Variants in ARRDC5 observed in about 807,000 individuals in gnomAD.
ARRDC5 encodes the protein arrestin domain containing 5.
A neutral mutation model predicts 13.3 loss-of-function variants in ARRDC5; 12 were observed. The ratio of observed to expected loss-of-function variants is 0.90; its 90% CI spans 0.58 to 1.46. The LOEUF (loss-of-function observed/expected upper bound fraction) is 1.46, where lower values mean the gene tolerates loss of function less well. Among genes scored for constraint, ARRDC5 ranks in the 40% most tolerant of loss-of-function variants. The pLI is 0.00. For missense variants in ARRDC5, 406 were observed against 418.7 expected, an observed-to-expected ratio of 0.97 and a Z score of 0.26; for synonymous variants, 181 against 173.4, an observed-to-expected ratio of 1.04 and a Z score of -0.34.
intron 2 of ARRDC5, among the ~76,000 whole-genome samples, 155 bp from the exon 3 acceptor site, chr19:4,891,728 G>A (rs550912665): frequency 1.5e-4 from 23 of 152,250 alleles, no homozygotes; most frequent in African/African-American, 2.9e-4. Flanking sequence ...AGGCCGAGGC[G>A]GGAGGATCAC....
At chr19:4,895,422 C>CAAA (rs1039157516) in intron 2 of ARRDC5, among the ~76,000 whole-genome samples, 200 of 70,568 alleles carry the variant, frequency 2.8e-3, no homozygotes, top group Non-Finnish European at 4.3e-3. Flanking sequence ...GACTCCGTCT[C>CAAA]AAAAAAAAAA....
Position 4,902,648 on chromosome 19 carries a change from A to G in ARRDC5, c.178T>C (p.Cys60Arg), listed in dbSNP as rs776175566. The change falls in exon 1 of 3, where the codon TGT (cysteine) becomes CGT (arginine). Residue 60 changes from cysteine to arginine, a missense_variant. Physicochemically the swap from Cys to Arg is radical, Grantham distance 180 (BLOSUM62 -3). Coordinates refer to ENST00000650722, the MANE Select transcript of ARRDC5 (RefSeq NM_001080523.3). ...VEWSEEAGAS[C>R]DYSRNVICNN... ...CAAATAACATTTCTGCTATAATCACAGGATGCCCCGGCTTCTTCACTCCAT... is the reference window on the plus strand; with the variant it reads ...CAAATAACATTTCTGCTATAATCACGGGATGCCCCGGCTTCTTCACTCCAT... The G allele has an allele frequency of 6.2e-7, 1 of 1,613,998 alleles. No homozygotes were observed. The highest frequency in any genetic ancestry group is 8.5e-7 in the Non-Finnish European group (1 of 1,179,890).
In ARRDC5 at chr19:4,891,421, G is replaced by A; in HGVS notation, c.612C>T (p.Cys204=). Residue 204 remains cysteine, a synonymous_variant, in exon 3 of 3, where the codon TGC becomes TGT. Coordinates refer to ENST00000650722, the MANE Select transcript of ARRDC5 (RefSeq NM_001080523.3). ...ACAGGGCGAATACGACCGTCTTGAT[G>A]CATTTGCTGGTCTGGTTGTTGATCT... ...TTEINNQTSK[C]IKTVVFALYA... 6.2e-7 allele frequency: 1 copy of A among 1,613,356 alleles called. No homozygotes were observed. The highest frequency in any genetic ancestry group is 8.5e-7 in the Non-Finnish European group (1 of 1,179,896).
chr19:4,893,811 G>A, intron 2 of ARRDC5, among the ~76,000 whole-genome samples: 1 of 147,848 alleles, frequency 6.8e-6, no homozygotes, highest in Non-Finnish European at 1.5e-5. Context: ...GGGAGGCCGA[G>A]GTGGGTGGAT....
chr19:4,909,172 G>A, the ARRDC5 span: 1 of 376,068 alleles, frequency 2.7e-6, no homozygotes, highest in Non-Finnish European at 4.8e-6. Flanking sequence ...GCGTGCGAGT[G>A]GGGGGCTGCG....
chr19:4,905,086 T>C (rs2032037370), upstream of ARRDC5, among the ~76,000 whole-genome samples: 1 of 149,494 alleles, frequency 6.7e-6, no homozygotes. Flanking sequence ...GGAATATGGC[T>C]CAACACAAAT....
chr19:4,906,899 A>G (rs531574200), upstream of ARRDC5, among the ~76,000 whole-genome samples: 18 of 152,366 alleles, frequency 1.2e-4, no homozygotes, highest in African/African-American at 4.3e-4. Flanking sequence ...GGAAGAGCTC[A>G]AGCCGTCTCA....
chr19:4,895,464 A>G (rs2031680930), intron 2 of ARRDC5, among the ~76,000 whole-genome samples: 2 of 150,862 alleles, frequency 1.3e-5, no homozygotes, highest in Non-Finnish European at 3.0e-5. Flanking sequence ...AAGAAAAAGG[A>G]AAAAAAATGC....
chr19:4,902,797 A>G lies in ARRDC5; in HGVS notation c.29T>C (p.Val10Ala), dbSNP rs1477939912. ...CAGGTAGATTCTATCCTCGGGCAGCACTAATTCGATCGACTTCACCACAGA... is the reference window on the plus strand; with the variant it reads ...CAGGTAGATTCTATCCTCGGGCAGCGCTAATTCGATCGACTTCACCACAGA... MSVVKSIEL[V>A]LPEDRIYLAG... Residue 10 changes from valine to alanine, a missense_variant, in exon 1 of 3, where the codon GTG (valine) becomes GCG (alanine). Transcript: ENST00000650722. 2.5e-6 allele frequency: 4 copies of G among 1,613,956 alleles called. No homozygotes were observed. In the South Asian group the frequency reaches 4.4e-5, roughly 18 times the overall value.
At chr19:4,908,703 A>G in the ARRDC5 span, among the ~76,000 whole-genome samples, 81 of 152,224 alleles carry the variant, frequency 5.3e-4, no homozygotes, top group Admixed American at 9.2e-4. Flanking sequence ...TCACTCTCCT[A>G]TAAGGAATCA....
the ARRDC5 span, among the ~76,000 whole-genome samples, chr19:4,915,593 G>C: frequency 6.6e-6 from 1 of 151,984 alleles, no homozygotes; most frequent in Admixed American, 6.6e-5. Flanking sequence ...CATGTCTGTA[G>C]TTCCACTTAG....
chr19:4,915,695 G>A, the ARRDC5 span, among the ~76,000 whole-genome samples: 36 of 152,194 alleles, frequency 2.4e-4, no homozygotes, highest in East Asian at 5.4e-3. Flanking sequence ...GGGCGACAGA[G>A]CAAGACTCCG....
chr19:4,897,119 G>A (rs755606388), intron 1 of ARRDC5, among the ~76,000 whole-genome samples: 4 of 152,040 alleles, frequency 2.6e-5, no homozygotes, highest in Non-Finnish European at 5.9e-5. Context: ...ACCACACCTG[G>A]CTAATTTTTA....
the ARRDC5 span, chr19:4,910,997 G>A: frequency 6.2e-7 from 1 of 1,611,710 alleles, no homozygotes; most frequent in Non-Finnish European, 8.5e-7. Flanking sequence ...GCTGTTCCAC[G>A]TGGAGCCAGG....
At chr19:4,910,853 G>T in the ARRDC5 span, 1,070 of 1,583,434 alleles carry the variant, frequency 6.8e-4, no homozygotes, top group Non-Finnish European at 7.6e-4. Flanking sequence ...ACTGATGGGG[G>T]TTTTTGCTGT....
intron 1 of ARRDC5, among the ~76,000 whole-genome samples, chr19:4,897,647 G>A (rs2031779617): frequency 6.6e-6 from 1 of 152,182 alleles, no homozygotes; most frequent in Non-Finnish European, 1.5e-5. Context: ...CTCCAGAAGA[G>A]CTGGGACTAC....
the ARRDC5 span, chr19:4,910,568 G>T: frequency 3.3e-6 from 1 of 298,550 alleles, no homozygotes; most frequent in Non-Finnish European, 6.2e-6. Context: ...ACTTGGCCCG[G>T]GCCTCCTTTC....
At chr19:4,914,012 T>TCC in the ARRDC5 span, among the ~76,000 whole-genome samples, 2 of 151,846 alleles carry the variant, frequency 1.3e-5, no homozygotes, top group African/African-American at 4.8e-5. Context: ...ATGGGGTTTC[T>TCC]CCATGTTGGT....
the ARRDC5 span, chr19:4,910,089 G>A: frequency 6.5e-6 from 1 of 154,132 alleles, no homozygotes; most frequent in Non-Finnish European, 1.4e-5. Context: ...AAGTGAAGGG[G>A]GGCGGGACTT....
Sources: gnomAD v4.1 joint callset for allele counts (sites outside exome capture counted in the v4.1 genomes callset) on GRCh38, gnomAD v4.1.1 for gene constraint, MANE v1.5 for transcripts, NCBI Gene and HGNC (gene_info 2026-07-23, HGNC 2026-07-21) for gene names.